FGGY: variants seen among roughly 807,000 people sequenced by gnomAD.
FGGY encodes FGGY carbohydrate kinase domain containing.
FGGY carries 72 observed loss-of-function variants against 71.3 expected under a neutral mutation model. The ratio of observed to expected loss-of-function variants is 1.01; its 90% CI spans 0.84 to 1.23. The LOEUF (loss-of-function observed/expected upper bound fraction) is 1.23. FGGY is among the 50% of genes most tolerant of loss of function. The pLI, the probability that FGGY is intolerant of heterozygous loss-of-function variation, is 0.00. For missense variants in FGGY, 668 were observed against 682.3 expected (o/e 0.98, Z 0.23); for synonymous variants, 251 against 250.3 (o/e 1.00, Z -0.02).
chr1:59,461,953 T>A (rs1004820139), intron 6 of FGGY, among the ~76,000 whole-genome samples: 106 of 151,930 alleles, frequency 7.0e-4, no homozygotes, highest in Non-Finnish European at 1.4e-3. Flanking sequence ...ATTAGGTATA[T>A]CTCCTAATGC....
intron 6 of FGGY, among the ~76,000 whole-genome samples, chr1:59,461,597 C>A (rs1231489932): frequency 6.6e-6 from 1 of 152,064 alleles, no homozygotes. Flanking sequence ...AGAAGAGCAA[C>A]CCCAAGACAC....
At chr1:59,717,668 T>A (rs2097855273) in intron 14 of FGGY, among the ~76,000 whole-genome samples, 1 of 152,126 alleles carries the variant, frequency 6.6e-6, no homozygotes, top group Non-Finnish European at 1.5e-5. Context: ...GTCTTACCAC[T>A]TAGTCATAGT....
intron 14 of FGGY, among the ~76,000 whole-genome samples, chr1:59,698,008 A>G (rs1007109822): frequency 6.6e-6 from 1 of 152,190 alleles, no homozygotes; most frequent in African/African-American, 2.4e-5. Context: ...TTTATCAAAA[A>G]AGCATGTCTT....
chr1:59,663,835 GAAA>G (rs994945496), intron 12 of FGGY, among the ~76,000 whole-genome samples: 1 of 151,072 alleles, frequency 6.6e-6, no homozygotes. Context: ...TTCAACTTGG[GAAA>G]AAAAAATGTT....
intron 5 of FGGY, among the ~76,000 whole-genome samples, chr1:59,400,530 T>C (rs754870541): frequency 6.6e-6 from 1 of 150,794 alleles, no homozygotes. Context: ...TTTTTTTCTC[T>C]AACAATTCTG....
At chr1:59,754,055 A>T (rs547575133) in intron 14 of FGGY, among the ~76,000 whole-genome samples, 2 of 152,218 alleles carry the variant, frequency 1.3e-5, no homozygotes, top group Non-Finnish European at 2.9e-5. Flanking sequence ...CCCTAATCAG[A>T]TTCTTCTTTC....
At chr1:59,568,719 T>C (rs1169219647) in intron 8 of FGGY, among the ~76,000 whole-genome samples, 1 of 152,126 alleles carries the variant, frequency 6.6e-6, no homozygotes, top group Non-Finnish European at 1.5e-5. Context: ...CTCTGGGCCT[T>C]CACAGCTGTT....
At chr1:59,549,644 G>A (rs889090092) in intron 7 of FGGY, among the ~76,000 whole-genome samples, 4 of 152,314 alleles carry the variant, frequency 2.6e-5, no homozygotes, top group Middle Eastern at 3.4e-3. Flanking sequence ...TATAAAGTGG[G>A]AGATAATTAT....
intron 5 of FGGY, among the ~76,000 whole-genome samples, chr1:59,418,609 A>T (rs897275969): frequency 1.3e-5 from 2 of 152,214 alleles, no homozygotes; most frequent in African/African-American, 2.4e-5. Context: ...AGTGGGGGAA[A>T]GTCATTTATG....
At chr1:59,481,879 G>A (rs2093484302) in intron 6 of FGGY, among the ~76,000 whole-genome samples, 2 of 152,120 alleles carry the variant, frequency 1.3e-5, no homozygotes, top group African/African-American at 4.8e-5. Context: ...TTACCCATGG[G>A]AATGTGTATG....
chr1:59,458,910 G>A (rs2091951571), intron 6 of FGGY, among the ~76,000 whole-genome samples: 1 of 152,202 alleles, frequency 6.6e-6, no homozygotes, highest in African/African-American at 2.4e-5. Context: ...GCTACCTCTA[G>A]ACATTCTTTA....
chr1:59,515,200 G>A (rs1366951837), intron 7 of FGGY, among the ~76,000 whole-genome samples: 1 of 152,182 alleles, frequency 6.6e-6, no homozygotes, highest in Non-Finnish European at 1.5e-5. Flanking sequence ...GTCAAAGGAG[G>A]TCATTTTGGA....
chr1:59,380,266 G>A (rs1047963726), intron 5 of FGGY, among the ~76,000 whole-genome samples: 1 of 151,560 alleles, frequency 6.6e-6, no homozygotes, highest in Admixed American at 6.6e-5. Flanking sequence ...ACATGTGCAT[G>A]TGTCTTTATA....
At chr1:59,387,075 T>A (rs2060157848) in intron 5 of FGGY, among the ~76,000 whole-genome samples, 1 of 152,090 alleles carries the variant, frequency 6.6e-6, no homozygotes, top group South Asian at 2.1e-4. Context: ...TGTTTTGGGT[T>A]TATAAGGGAT....
chr1:59,312,996 C>T (rs1035959681), intron 1 of FGGY, among the ~76,000 whole-genome samples: 1 of 152,132 alleles, frequency 6.6e-6, no homozygotes, highest in African/African-American at 2.4e-5. Flanking sequence ...TTAGTCTTTA[C>T]AAATGGGCTC....
At chr1:59,487,185 A>G (rs116597855) in intron 6 of FGGY, among the ~76,000 whole-genome samples, 3 of 152,062 alleles carry the variant, frequency 2.0e-5, no homozygotes, top group Non-Finnish European at 4.4e-5. Context: ...GCTGATTTAC[A>G]CTCCATTCTC....
At chr1:59,456,713 G>A (rs983216389) in intron 5 of FGGY, among the ~76,000 whole-genome samples, 1 of 152,212 alleles carries the variant, frequency 6.6e-6, no homozygotes, top group Non-Finnish European at 1.5e-5. Flanking sequence ...CTCCCAAAGT[G>A]CTGGGATTAC....
At chr1:59,679,030 T>A (rs967721361) in intron 14 of FGGY, among the ~76,000 whole-genome samples, 1 of 152,238 alleles carries the variant, frequency 6.6e-6, no homozygotes, top group Non-Finnish European at 1.5e-5. Flanking sequence ...TCAAGACCAA[T>A]ACATGTAAGT....
intron 6 of FGGY, among the ~76,000 whole-genome samples, chr1:59,483,509 T>A (rs2093566264): frequency 6.6e-6 from 1 of 152,190 alleles, no homozygotes; most frequent in Non-Finnish European, 1.5e-5. Flanking sequence ...GACTTCAAAC[T>A]TTTCCTAAAC....
Sources: gnomAD v4.1 joint callset for allele counts (sites outside exome capture counted in the v4.1 genomes callset) on GRCh38, gnomAD v4.1.1 for gene constraint, MANE v1.5 for transcripts, NCBI Gene and HGNC (gene_info 2026-07-23, HGNC 2026-07-21) for gene names.